TRPC5: variants seen among roughly 807,000 people sequenced by gnomAD.
TRPC5 encodes the protein short transient receptor potential channel 5.
Under a neutral mutation model 56.5 loss-of-function variants are expected in TRPC5, and 9 were observed. The ratio of observed to expected loss-of-function variants is 0.16; its 90% CI spans 0.10 to 0.28. TRPC5 has a LOEUF of 0.28. TRPC5 is among the 10% of genes least tolerant of loss of function. The probability of loss-of-function intolerance (pLI) is 1.00; values close to 1 mark genes in which losing one functional copy is unlikely to be tolerated. For synonymous variants in TRPC5, 282 were observed against 278.5 expected (o/e 1.01, Z -0.13); for missense variants, 469 against 748.9 (o/e 0.63, Z 4.36).
At chrX:111,777,537 T>C (rs773510708) in intron 10 of TRPC5, among the ~76,000 whole-genome samples, 5 of 110,597 alleles carry the variant, frequency 4.5e-5, no homozygotes, top group Non-Finnish European at 9.4e-5. Context: ...AATCTGTTCA[T>C]GTACTTCCCC....
At chrX:111,974,618 C>T (rs965058596) in intron 1 of TRPC5, among the ~76,000 whole-genome samples, 5 of 110,958 alleles carry the variant, frequency 4.5e-5, no homozygotes, top group African/African-American at 1.6e-4. Context: ...GCTTTGAAAA[C>T]GTGCAACTTC....
intron 1 of TRPC5, among the ~76,000 whole-genome samples, chrX:112,066,681 C>T (rs1220315107): frequency 8.9e-6 from 1 of 112,364 alleles, no homozygotes; most frequent in East Asian, 2.8e-4. Flanking sequence ...TTATTATAGT[C>T]TTTATCTCAG....
At chrX:111,807,138 T>C (rs902431017) in intron 7 of TRPC5, among the ~76,000 whole-genome samples, 2 of 111,730 alleles carry the variant, frequency 1.8e-5, no homozygotes, top group East Asian at 2.8e-4. Flanking sequence ...TTATCTGTTA[T>C]TATTTCTTTG....
chrX:111,934,181 C>CA (rs1269362383), intron 2 of TRPC5, among the ~76,000 whole-genome samples: 1 of 109,173 alleles, frequency 9.2e-6, no homozygotes. Flanking sequence ...AGCTTTTATC[C>CA]AAAAAATTCT....
chrX:111,864,901 T>A (rs753058547), intron 3 of TRPC5, among the ~76,000 whole-genome samples: 1 of 112,115 alleles, frequency 8.9e-6, no homozygotes, highest in South Asian at 3.7e-4. Flanking sequence ...GGAAGTTATG[T>A]TGTTCTATTT....
intron 1 of TRPC5, among the ~76,000 whole-genome samples, chrX:111,972,042 G>T (rs1341403906): frequency 1.8e-5 from 2 of 111,169 alleles, no homozygotes; most frequent in African/African-American, 6.5e-5. Context: ...TTCCTCTATG[G>T]ATTAAATACT....
chrX:112,080,391 T>TAC (rs1370431647), intron 1 of TRPC5, among the ~76,000 whole-genome samples: 8 of 82,013 alleles, frequency 9.8e-5, no homozygotes, highest in African/African-American at 4.0e-4. Flanking sequence ...CTTGAAAAAC[T>TAC]ACATACACAC....
chrX:111,984,250 T>C (rs999739743), intron 1 of TRPC5, among the ~76,000 whole-genome samples: 1 of 111,798 alleles, frequency 8.9e-6, no homozygotes, highest in African/African-American at 3.3e-5. Flanking sequence ...CCGTATCTGC[T>C]ACTGACACTT....
rs1401800718 is a variant in TRPC5 at position 111,776,501 on chromosome X, C to A, written c.2734G>T (p.Ala912Ser). The A allele has an allele frequency of 1.7e-6, 2 of 1,208,631 alleles. No homozygotes were observed. Among genetic ancestry groups the A allele is most frequent in the East Asian group, 3.0e-5 (1 of 33,674 alleles). Residue 912 changes from alanine to serine, a missense_variant, in exon 11 of 11, where the codon GCT becomes TCT. Around this residue, in one of 3 missense-constraint regions of TRPC5, gnomAD observed 194 missense variants for 221.8 expected, o/e 0.87. Transcript: ENST00000262839. Reference protein sequence around the residue: ...SEVELGEVQGAAQSSECPLAC... With the variant: ...SEVELGEVQGSAQSSECPLAC... ...AGAGGGCATTCACTGCTCTGAGCAGCGCCCTGGACTTCACCTAATTCTACC... is the reference window on the plus strand; with the variant it reads ...AGAGGGCATTCACTGCTCTGAGCAGAGCCCTGGACTTCACCTAATTCTACC...
At chrX:112,048,355 C>T (rs1417923998) in intron 1 of TRPC5, among the ~76,000 whole-genome samples, 1 of 93,199 alleles carries the variant, frequency 1.1e-5, no homozygotes, top group Non-Finnish European at 2.0e-5. Flanking sequence ...GAGCCGCGAT[C>T]GCGCCAGTGC....
chrX:111,906,117 G>A (rs763096154), intron 3 of TRPC5, among the ~76,000 whole-genome samples: 1 of 110,218 alleles, frequency 9.1e-6, no homozygotes, highest in African/African-American at 3.3e-5. Flanking sequence ...CACTTTGGGA[G>A]GCCAAGACAG....
chrX:111,846,149 G>A (rs1353776877), intron 6 of TRPC5, among the ~76,000 whole-genome samples: 2 of 111,718 alleles, frequency 1.8e-5, no homozygotes, highest in Non-Finnish European at 3.8e-5. Flanking sequence ...GAATGTCCAA[G>A]TCCACTGAAC....
chrX:111,945,456 A>T (rs58961404), intron 2 of TRPC5, among the ~76,000 whole-genome samples: 4,911 of 110,549 alleles, frequency 0.044, 154 homozygotes, highest in African/African-American at 0.11. Context: ...ACAAGTCCAC[A>T]GAGTAACATA....
At position 111,774,878 on chromosome X, in the gene TRPC5, G is replaced by A. The variant is rs1254454523; in HGVS notation, c.*1435C>T. Reference sequence around the variant, plus strand: ...CTACACACTATTTATGTAATCTCTAGGACTCAGACCTAGAGTTGTTTCAGG... The same window carrying A: ...CTACACACTATTTATGTAATCTCTAAGACTCAGACCTAGAGTTGTTTCAGG... On this transcript the variant is annotated 3_prime_UTR_variant, in exon 11 of 11. Transcript: ENST00000262839. 2.7e-5 allele frequency: 3 copies of A among 110,264 alleles called. No homozygotes were observed. The highest frequency in any genetic ancestry group is 5.7e-5 in the Non-Finnish European group (3 of 52,744). 9.1% of individuals were successfully genotyped at this position (110,264 alleles called of 1,213,427 possible). A position where few individuals can be genotyped will look rare whatever the true frequency, so the allele number is the denominator to read the frequency against.
chrX:112,051,109 C>G (rs1930201068), intron 1 of TRPC5, among the ~76,000 whole-genome samples: 1 of 112,640 alleles, frequency 8.9e-6, no homozygotes, highest in Non-Finnish European at 1.9e-5. Flanking sequence ...TGGGAGTTTT[C>G]TCCAGAAGAC....
At chrX:111,965,822 G>A (rs1022854832) in intron 1 of TRPC5, among the ~76,000 whole-genome samples, 15 of 111,279 alleles carry the variant, frequency 1.3e-4, no homozygotes, top group Non-Finnish European at 2.5e-4. Context: ...CACATTCAAA[G>A]CAGTGTGTAG....
At chrX:112,078,497 A>G (rs757564527) in intron 1 of TRPC5, among the ~76,000 whole-genome samples, 21 of 111,331 alleles carry the variant, frequency 1.9e-4, no homozygotes, top group Non-Finnish European at 3.6e-4. Flanking sequence ...CTAGACTTCA[A>G]TTTCTCTATA....
chrX:111,982,063 A>G (rs1928096936), intron 1 of TRPC5, among the ~76,000 whole-genome samples: 1 of 111,006 alleles, frequency 9.0e-6, no homozygotes, highest in African/African-American at 3.3e-5. Context: ...CTGCTTCACC[A>G]TGGTAAGACA....
rs1021705639 is a variant in TRPC5 at position 111,774,739 on chromosome X, G to A, written c.*1574C>T. On this transcript the variant is annotated 3_prime_UTR_variant, in exon 11 of 11. Transcript: ENST00000262839. ...TAGTTTGGAGGCATATTTGCAGTTCGAAAGTTCCTCATTTCTCTTACTTTT... is the reference window on the plus strand; with the variant it reads ...TAGTTTGGAGGCATATTTGCAGTTCAAAAGTTCCTCATTTCTCTTACTTTT... 9.0e-6 allele frequency: 1 copy of A among 111,039 alleles called. No homozygotes were observed. Among genetic ancestry groups the A allele is most frequent in the Non-Finnish European group, 1.9e-5 (1 of 52,942 alleles). The allele number at this position is 111,039 out of a possible 1,213,427, so 9.2% of individuals were successfully genotyped here. A position where few individuals can be genotyped will look rare whatever the true frequency, so the allele number is the denominator to read the frequency against.
Sources: gnomAD v4.1 joint callset for allele counts (sites outside exome capture counted in the v4.1 genomes callset) on GRCh38, gnomAD v4.1.1 for gene constraint, gnomAD v4.1.1 regional missense constraint, MANE v1.5 for transcripts, NCBI Gene and HGNC (gene_info 2026-07-23, HGNC 2026-07-21) for gene names.